C6orf52: variants seen among roughly 807,000 people sequenced by gnomAD.
The protein encoded by C6orf52 is putative uncharacterized protein C6orf52.
In C6orf52, 16 loss-of-function variants were observed where a neutral mutation model predicts 16.6. That is an observed-to-expected ratio of 0.96 (90% CI 0.65 to 1.46). C6orf52 has a LOEUF of 1.46. Ranked by LOEUF, C6orf52 falls within the 40% of genes most tolerant of loss-of-function variation. The probability of loss-of-function intolerance (pLI) is 0.00; values close to 1 mark genes in which losing one functional copy is unlikely to be tolerated. For synonymous variants in C6orf52, 53 were observed against 61.4 expected, an observed-to-expected ratio of 0.86 and a Z score of 0.64; for missense variants, 166 against 182.3, an observed-to-expected ratio of 0.91 and a Z score of 0.52.
intron 4 of C6orf52, among the ~76,000 whole-genome samples, chr6:10,676,886 C>T (rs1238929001): frequency 6.6e-6 from 1 of 152,206 alleles, no homozygotes; most frequent in Admixed American, 6.5e-5. Context: ...TGCAAGACGA[C>T]GAACCCTGGG....
intron 1 of C6orf52, among the ~76,000 whole-genome samples, chr6:10,691,558 G>C (rs189030261): frequency 6.6e-6 from 1 of 152,002 alleles, no homozygotes; most frequent in Admixed American, 6.6e-5. Flanking sequence ...GTGTGGTGCC[G>C]AGCTGTCTGC....
chr6:10,691,153 T>C (rs1769258824), intron 1 of C6orf52, among the ~76,000 whole-genome samples: 1 of 152,166 alleles, frequency 6.6e-6, no homozygotes, highest in African/African-American at 2.4e-5. Context: ...ATCACTGCAT[T>C]TTACCCTTAA....
chr6:10,683,690 G>A (rs1046984473), intron 3 of C6orf52, among the ~76,000 whole-genome samples: 5 of 152,156 alleles, frequency 3.3e-5, no homozygotes, highest in Non-Finnish European at 7.3e-5. Context: ...CCTCAAACCC[G>A]TGACTCAGCT....
chr6:10,680,990 C>A (rs1281707865), intron 4 of C6orf52, among the ~76,000 whole-genome samples: 1 of 152,146 alleles, frequency 6.6e-6, no homozygotes, highest in Non-Finnish European at 1.5e-5. Context: ...TTTGTAGAGA[C>A]AAGGTCTCAC....
chr6:10,691,450 A>G (rs535044113), intron 1 of C6orf52, among the ~76,000 whole-genome samples: 1 of 152,272 alleles, frequency 6.6e-6, no homozygotes, highest in East Asian at 1.9e-4. Context: ...ACGGAACAGA[A>G]CAGGACAGGG....
rs186024632 is a variant in C6orf52, at chr6:10,693,907, T to G, written c.-12+587A>C. On this transcript the variant is annotated intron_variant, in intron 1 of 4. Coordinates refer to ENST00000259983, the MANE Select transcript of C6orf52 (RefSeq NM_001145020.3). ...CCATGCTGGGCTAATTTATAACATT[T>G]TTGTAGAGACGGCATCAAAATATGT... Among the ~76,000 whole-genome samples, 447 of 152,224 alleles carry G rather than the reference T, an allele frequency of 2.9e-3. 5 individuals are homozygous for G. The highest frequency in any genetic ancestry group is 9.9e-3 in the African/African-American group (410 of 41,536).
intron 1 of C6orf52, among the ~76,000 whole-genome samples, chr6:10,691,430 G>C (rs958845928): frequency 1.3e-5 from 2 of 152,070 alleles, no homozygotes; most frequent in Non-Finnish European, 2.9e-5. Flanking sequence ...TGCATGCACC[G>C]GTAATTAGAA....
chr6:10,674,828 A>C (rs1401158269), intron 4 of C6orf52: 1 of 130,472 alleles, frequency 7.7e-6, no homozygotes, highest in Admixed American at 7.4e-5. Context: ...TTTTTTTTTG[A>C]GACGGAGTTT....
At chr6:10,694,796 T>G, upstream of C6orf52, 1 of 549,750 alleles carries the variant, frequency 1.8e-6, no homozygotes, top group Non-Finnish European at 3.2e-6. Flanking sequence ...TCTTGGAAAA[T>G]CCATGTGACC....
intron 4 of C6orf52, chr6:10,674,721 A>AG (rs1767721550): frequency 6.6e-6 from 1 of 151,756 alleles, no homozygotes; most frequent in African/African-American, 2.4e-5. Flanking sequence ...TTCAATCTGT[A>AG]ACTGACTGAA....
intron 1 of C6orf52, among the ~76,000 whole-genome samples, chr6:10,691,424 T>G (rs927571450): frequency 6.6e-6 from 1 of 152,090 alleles, no homozygotes; most frequent in Non-Finnish European, 1.5e-5. Context: ...GGGGGCTGCA[T>G]GCACCGGTAA....
At chr6:10,692,920 T>C (rs1230634489) in intron 1 of C6orf52, among the ~76,000 whole-genome samples, 1 of 152,222 alleles carries the variant, frequency 6.6e-6, no homozygotes, top group African/African-American at 2.4e-5. Context: ...AGTGTTTACA[T>C]TTGGCGTGGA....
chr6:10,676,684 C>G (rs1561868069), intron 4 of C6orf52, among the ~76,000 whole-genome samples: 2 of 152,188 alleles, frequency 1.3e-5, no homozygotes, highest in Non-Finnish European at 2.9e-5. Context: ...CCAATCTGGG[C>G]CCTACATAAA....
At chr6:10,682,085 G>A (rs375073795) in intron 4 of C6orf52, among the ~76,000 whole-genome samples, 1 of 152,082 alleles carries the variant, frequency 6.6e-6, no homozygotes, top group Non-Finnish European at 1.5e-5. Context: ...TTTGTGAGGT[G>A]GAAACCTGTG....
intron 1 of C6orf52, among the ~76,000 whole-genome samples, chr6:10,691,529 G>A (rs537782378): frequency 2.0e-5 from 3 of 152,140 alleles, no homozygotes; most frequent in East Asian, 3.9e-4. Flanking sequence ...GTCAGGGGTC[G>A]ATCTTTACCA....
At chr6:10,671,622 G>GA (rs1767432803) in intron 4 of C6orf52, 24 bp from the exon 5 acceptor site, 5 of 1,477,166 alleles carry the variant, frequency 3.4e-6, no homozygotes, top group South Asian at 1.3e-5. Context: ...TAATGGATAT[G>GA]AAAAAAATAG....
rs578031922 is a variant in C6orf52, at chr6:10,690,919, CTT to C, written c.-11-3360_-11-3359del. On this transcript the variant is annotated intron_variant, in intron 1 of 4. Coordinates refer to ENST00000259983, the MANE Select transcript of C6orf52 (RefSeq NM_001145020.3). ...TCCAGTTAAACAGGTATATAATTCTCTTTTGTCTTTCTTCAGACAATGAAAAT... is the reference window on the plus strand; with the variant it reads ...TCCAGTTAAACAGGTATATAATTCTCTTGTCTTTCTTCAGACAATGAAAAT... 5.7e-3 allele frequency among the ~76,000 whole-genome samples: 875 copies of C among 152,314 alleles called. 8 individuals carry two copies. Among genetic ancestry groups the C allele is most frequent in the African/African-American group, 0.02 (830 of 41,564 alleles).
chr6:10,671,930 T>C (rs908754548), intron 4 of C6orf52, among the ~76,000 whole-genome samples: 3 of 152,186 alleles, frequency 2.0e-5, no homozygotes, highest in Admixed American at 2.0e-4. Flanking sequence ...GTTTCTGGCA[T>C]GAGCCAGATA....
intron 4 of C6orf52, among the ~76,000 whole-genome samples, chr6:10,679,534 C>T (rs1470290941): frequency 6.7e-6 from 1 of 149,778 alleles, no homozygotes; most frequent in African/African-American, 2.5e-5. Context: ...GATACACTTG[C>T]TCAATGCAGG....
Sources: gnomAD v4.1 joint callset for allele counts (sites outside exome capture counted in the v4.1 genomes callset) on GRCh38, gnomAD v4.1.1 for gene constraint, MANE v1.5 for transcripts, NCBI Gene and HGNC (gene_info 2026-07-23, HGNC 2026-07-21) for gene names.